The following ANKRD13A variants were observed in gnomAD, a reference collection of about 807,000 sequenced individuals.
ANKRD13A encodes ankyrin repeat domain-containing protein 13A.
Under a neutral mutation model 81.3 loss-of-function variants are expected in ANKRD13A, and 48 were observed. The observed-to-expected ratio is 0.59, with a 90% confidence interval of 0.47 to 0.75. The LOEUF (loss-of-function observed/expected upper bound fraction) is 0.75, where lower values mean the gene tolerates loss of function less well. ANKRD13A is among the 30% of genes least tolerant of loss of function. The pLI is 0.00. For synonymous variants in ANKRD13A, 230 were observed against 270.1 expected, an observed-to-expected ratio of 0.85 and a Z score of 1.45; for missense variants, 612 against 734.0, an observed-to-expected ratio of 0.83 and a Z score of 1.92.
chr12:110,037,196 G>A (rs1566066596), intron 14 of ANKRD13A, among the ~76,000 whole-genome samples, 163 bp from the exon 15 acceptor site: 1 of 152,162 alleles, frequency 6.6e-6, no homozygotes, highest in Non-Finnish European at 1.5e-5. Context: ...TTTCTCACCC[G>A]TATACAACAC....
At chr12:110,025,665 C>A in intron 7 of ANKRD13A, 77 bp from the exon 8 acceptor site, 1 of 1,069,824 alleles carries the variant, frequency 9.3e-7, no homozygotes, top group Non-Finnish European at 1.4e-6. Flanking sequence ...TTTGCTTCAG[C>A]ATTCTTGCTT....
intron 12 of ANKRD13A, chr12:110,032,105 G>A (rs1891729839): frequency 6.6e-6 from 1 of 152,146 alleles, no homozygotes; most frequent in African/African-American, 2.4e-5. Context: ...TTGAGTAAGA[G>A]TGGTAGGAAT....
At chr12:110,030,927 T>C (rs147740459) in intron 12 of ANKRD13A, among the ~76,000 whole-genome samples, 169 bp downstream of exon 12, 2,493 of 152,102 alleles carry the variant, frequency 0.016, 35 homozygotes, top group South Asian at 0.052. Flanking sequence ...AAACCCTGTC[T>C]CTACTAATAA....
At chr12:110,014,804 G>C (rs1890705827) in intron 3 of ANKRD13A, among the ~76,000 whole-genome samples, 1 of 104,478 alleles carries the variant, frequency 9.6e-6, no homozygotes, top group African/African-American at 8.3e-5. Flanking sequence ...TTTTTTTTGA[G>C]ACGGAATCTC....
intron 3 of ANKRD13A, among the ~76,000 whole-genome samples, chr12:110,014,720 A>G (rs1240615521): frequency 2.0e-5 from 3 of 152,106 alleles, no homozygotes; most frequent in African/African-American, 7.2e-5. Context: ...TTCTTTGGTA[A>G]AAATCATGGC....
chr12:110,018,349 C>T lies in ANKRD13A; in HGVS notation c.405C>T (p.Pro135=). Residue 135 remains proline, a synonymous_variant, in exon 5 of 15, where the codon CCC becomes CCT. Transcript: ENST00000261739. This position sits in a 1 kb window ranked among gnomAD's most constrained non-coding sequence, Gnocchi z 4.4. ...QMKWEFTSWV[P]LVSRICPNDV... ...TAGTACACTTCTCTCCTCCAGTGCC[C>T]TTGGTTTCTAGAATATGCCCAAATG... is the stretch of plus-strand genomic sequence containing the variant. 6.2e-7 allele frequency: 1 copy of T among 1,613,938 alleles called. No homozygotes were observed. Among genetic ancestry groups the T allele is most frequent in the Non-Finnish European group, 8.5e-7 (1 of 1,179,928 alleles).
chr12:110,011,991 T>G lies in ANKRD13A; in HGVS notation c.97-14T>G. On this transcript the variant is annotated splice_polypyrimidine_tract_variant and intron_variant, in intron 1 of 14. Transcript: ENST00000261739. The stretch of plus-strand genomic sequence containing the variant: ...ATACATCCAATTATGTAAATGCCAG[T>G]GTTTCCTTCACAGAATGTGGAGGCT... 2 of 1,585,226 alleles carry G rather than the reference T, an allele frequency of 1.3e-6. No individual in the cohort carries two copies. The highest frequency in any genetic ancestry group is 1.7e-6 in the Non-Finnish European group (2 of 1,156,960).
Position 110,018,432 on chromosome 12 carries a change from G to T in ANKRD13A, c.488G>T (p.Gly163Val). The stretch of plus-strand genomic sequence containing the variant: ...CTGCGCGTCGATATCACATTGCTGG[G>T]ATTTGAAAACATGAGCTGGATAAGA... ...AKLRVDITLL[G>V]FENMSWIRGR... The change falls in exon 5 of 15, where the codon GGA becomes GTA. Residue 163 changes from glycine (G) to valine (V), a missense_variant. Gly to Val is a moderately radical substitution (Grantham distance 109, BLOSUM62 -3). Transcript: ENST00000261739. The surrounding 1 kb of genome is among the most constrained non-coding windows in gnomAD (Gnocchi z 4.4). 2 of 1,614,166 alleles carry T rather than the reference G, an allele frequency of 1.2e-6. No individual in the cohort carries two copies. Among genetic ancestry groups the T allele is most frequent in the Non-Finnish European group, 1.7e-6 (2 of 1,180,016 alleles).
intron 7 of ANKRD13A, among the ~76,000 whole-genome samples, chr12:110,025,088 G>T (rs761930067): frequency 2.0e-5 from 3 of 152,220 alleles, no homozygotes; most frequent in Non-Finnish European, 2.9e-5. Context: ...GGGTGCAGTG[G>T]CTCACGCCTG....
intron 2 of ANKRD13A, among the ~76,000 whole-genome samples, chr12:110,012,843 A>G (rs1027575059): frequency 2.0e-5 from 3 of 152,190 alleles, no homozygotes; most frequent in African/African-American, 4.8e-5. Context: ...GTGATCGTAT[A>G]GTTAAAGCCA....
intron 14 of ANKRD13A, 93 bp from the exon 15 acceptor site, chr12:110,037,266 G>C (rs949561333): frequency 3.4e-5 from 43 of 1,257,352 alleles, no homozygotes; most frequent in Non-Finnish European, 4.3e-5. Context: ...CTGGCACAGT[G>C]TGCCCTTGGT....
At chr12:110,009,968 G>A (rs1409845091) in intron 1 of ANKRD13A, among the ~76,000 whole-genome samples, 2 of 152,146 alleles carry the variant, frequency 1.3e-5, no homozygotes, top group East Asian at 1.9e-4. Flanking sequence ...AGGTTCAAGC[G>A]ATTCTCCTGC....
intron 6 of ANKRD13A, 80 bp downstream of exon 6, chr12:110,019,408 T>G: frequency 7.4e-7 from 1 of 1,345,764 alleles, no homozygotes. Context: ...AATTGTAAAT[T>G]ATGGATGGAT....
chr12:110,011,777 G>A (rs1012270799), intron 1 of ANKRD13A, among the ~76,000 whole-genome samples: 3 of 152,076 alleles, frequency 2.0e-5, no homozygotes, highest in Admixed American at 6.6e-5. Context: ...TTATTTATTA[G>A]GCACTTAACT....
intron 3 of ANKRD13A, among the ~76,000 whole-genome samples, chr12:110,014,789 C>CTTTTTTTTT (rs761398140): frequency 4.4e-5 from 6 of 135,708 alleles, no homozygotes; most frequent in African/African-American, 1.9e-4. Context: ...CATTTCTCTT[C>CTTTTTTTTT]TTTTTTTTTT....
chr12:110,017,529 A>G (rs1194250530), intron 4 of ANKRD13A, among the ~76,000 whole-genome samples: 1 of 152,208 alleles, frequency 6.6e-6, no homozygotes, highest in East Asian at 1.9e-4. Context: ...ATTTGTATGA[A>G]ATGTTTAAAT....
chr12:110,023,410 A>G (rs1159532313), intron 6 of ANKRD13A, among the ~76,000 whole-genome samples: 2 of 152,188 alleles, frequency 1.3e-5, no homozygotes, highest in Admixed American at 1.3e-4. Context: ...ACAGAGATGG[A>G]ATTAACAGCT....
In ANKRD13A at chr12:110,012,101, G is replaced by C. The variant is rs746611484; in HGVS notation, c.193G>C (p.Ala65Pro). Residue 65 changes from alanine to proline, a missense_variant, in exon 2 of 15, where the codon GCA (alanine) becomes CCA (proline). Coordinates refer to ENST00000261739, the MANE Select transcript of ANKRD13A (RefSeq NM_033121.2). Reference protein sequence around the residue: ...ESARVLLRHKADVTKENRQGW... With the variant: ...ESARVLLRHKPDVTKENRQGW... ...TGCTCGAGTCTTACTCCGACATAAA[G>C]CAGATGTGACAAAAGAAAATCGCCA... 2 of 1,612,744 alleles carry C rather than the reference G, an allele frequency of 1.2e-6. No individual in the cohort carries two copies. The highest frequency in any genetic ancestry group is 4.5e-5 in the East Asian group (2 of 44,844).
rs1312858066 is a variant in ANKRD13A, at chr12:110,036,665, T to C, written c.1577+337T>C. 6.6e-6 allele frequency among the ~76,000 whole-genome samples: 1 copy of C among 151,910 alleles called. No homozygotes were observed. The highest frequency in any genetic ancestry group is 2.4e-5 in the African/African-American group (1 of 41,342). On this transcript the variant is annotated intron_variant, in intron 14 of 14. Coordinates refer to ENST00000261739, the MANE Select transcript of ANKRD13A (RefSeq NM_033121.2). This position sits in a 1 kb window ranked among gnomAD's most constrained non-coding sequence, Gnocchi z 4.6. The stretch of plus-strand genomic sequence containing the variant: ...TACTCGGGAGGCTGAGGCAGGAGAA[T>C]GGCAAACCCAGGAGGCGGAGCTTGC...
Sources: allele counts gnomAD v4.1 joint callset (sites outside exome capture counted in the v4.1 genomes callset), GRCh38; gene constraint gnomAD v4.1.1; non-coding constraint Gnocchi (gnomAD v3.1); transcripts MANE v1.5; gene names NCBI Gene and HGNC (gene_info 2026-07-23, HGNC 2026-07-21).